The following PLCG2 variants were observed in gnomAD, a reference collection of about 807,000 sequenced individuals.
PLCG2 encodes the protein phospholipase C gamma 2.
In PLCG2, 69 loss-of-function variants were observed where a neutral mutation model predicts 175.6. The observed-to-expected ratio is 0.39, with a 90% CI of 0.32 to 0.48. The LOEUF (loss-of-function observed/expected upper bound fraction) is 0.48, where lower values mean the gene tolerates loss of function less well. Ranked by LOEUF, PLCG2 falls within the 20% of genes least tolerant of loss-of-function variation. The pLI, the probability that PLCG2 is intolerant of heterozygous loss-of-function variation, is 0.91. For synonymous variants in PLCG2, 827 were observed against 624.0 expected (o/e 1.33, Z -4.85); for missense variants, 1,798 against 1,650.9 (o/e 1.09, Z -1.54).
chr16:81,826,131 G>A (rs1413549431), intron 2 of PLCG2, among the ~76,000 whole-genome samples: 1 of 152,164 alleles, frequency 6.6e-6, no homozygotes, highest in Non-Finnish European at 1.5e-5. Flanking sequence ...TTTCCCCATT[G>A]TGGTAAGAGA....
At position 81,961,136 on chromosome 16, in the gene PLCG2, G is replaced by C; in HGVS notation, c.*3138G>C. ...TTCAACAAAGTGGGAGGAACAGCCT[G>C]TAGATTTCTGAGTCTCTTAGCATGT... On this transcript the variant is annotated 3_prime_UTR_variant, in exon 33 of 33. Coordinates refer to ENST00000564138, the MANE Select transcript of PLCG2 (RefSeq NM_002661.5). The C allele has an allele frequency of 4.3e-6, 1 of 231,000 alleles. No homozygotes were observed. The highest frequency in any genetic ancestry group is 8.6e-6 in the Non-Finnish European group (1 of 116,630). The allele number at this position is 231,000 out of a possible 1,614,324, so 14.3% of individuals were successfully genotyped here.
In PLCG2 at chr16:81,754,926, C is replaced by CA. The variant is rs556727189; in HGVS notation, c.-144-939dup. ...AAGCAGTGACTCCCACAAAGGTCATCAAAAAGGGAATGGTGCAAAGTGAGA... is the reference window on the plus strand; with the variant it reads ...AAGCAGTGACTCCCACAAAGGTCATCAAAAAAGGGAATGGTGCAAAGTGAGA... On this transcript the variant is annotated intron_variant, in intron 1 of 5. Transcript: ENST00000565054. Among the ~76,000 whole-genome samples the CA allele has an allele frequency of 9.9e-5, 15 of 152,190 alleles. No individual in the cohort carries two copies. The South Asian group carries it at 3.1e-3, about 32-fold the overall frequency.
At chr16:81,751,672 G>T (rs1483396245) in intron 1 of PLCG2, among the ~76,000 whole-genome samples, 1 of 152,126 alleles carries the variant, frequency 6.6e-6, no homozygotes, top group Non-Finnish European at 1.5e-5. Flanking sequence ...ATGTTAACTA[G>T]CTTTAATTAT....
chr16:81,908,425 C>A lies in PLCG2; in HGVS notation c.1567C>A (p.Pro523Thr), dbSNP rs574435526. The A allele has an allele frequency of 1.9e-6, 3 of 1,613,808 alleles. No homozygotes were observed. Among genetic ancestry groups the A allele is most frequent in the South Asian group, 1.1e-5 (1 of 91,006 alleles). Reference sequence around the variant, plus strand: ...TCTCTTTGCGGCCCAGGATATACCCCCTACAGAACTACATTTTGGGGAGAA... The same window carrying A: ...TCTCTTTGCGGCCCAGGATATACCCACTACAGAACTACATTTTGGGGAGAA... ...MEEEVPQDIP[P>T]TELHFGEKWF... The change falls in exon 17 of 33, where the codon CCT (proline) becomes ACT (threonine). Residue 523 changes from proline to threonine, a missense_variant. Coordinates refer to ENST00000564138, the MANE Select transcript of PLCG2 (RefSeq NM_002661.5).
chr16:81,906,657 C>G (rs1909382149), intron 15 of PLCG2, among the ~76,000 whole-genome samples: 2 of 152,230 alleles, frequency 1.3e-5, no homozygotes, highest in Non-Finnish European at 2.9e-5. Context: ...CTCCTGATCT[C>G]AAGTGGTCTG....
chr16:81,951,822 A>G (rs1445719517), intron 31 of PLCG2, among the ~76,000 whole-genome samples: 1 of 152,258 alleles, frequency 6.6e-6, no homozygotes, highest in African/African-American at 2.4e-5. Flanking sequence ...AGTAGATGCC[A>G]TAAATGTAAA....
At chr16:81,908,649 G>A in intron 17 of PLCG2, 58 bp downstream of exon 17, 2 of 1,480,024 alleles carry the variant, frequency 1.4e-6, no homozygotes, top group South Asian at 1.3e-5. Flanking sequence ...CGATGAGGCA[G>A]GGTGGCGAGT....
At chr16:81,753,278 A>G (rs1180097582) in intron 1 of PLCG2, among the ~76,000 whole-genome samples, 4 of 150,960 alleles carry the variant, frequency 2.6e-5, no homozygotes, top group African/African-American at 9.7e-5. Context: ...CCAATTTGGT[A>G]AAACATCCAC....
intron 2 of PLCG2, among the ~76,000 whole-genome samples, chr16:81,824,065 TG>T (rs1567483183): frequency 9.5e-6 from 1 of 105,432 alleles, no homozygotes; most frequent in Admixed American, 9.7e-5. Flanking sequence ...TGTCCTGTCC[TG>T]TCCTGTCCTG....
intron 2 of PLCG2, among the ~76,000 whole-genome samples, chr16:81,816,275 G>A: frequency 6.6e-6 from 1 of 152,146 alleles, no homozygotes; most frequent in Non-Finnish European, 1.5e-5. Flanking sequence ...GGAGGCAGAG[G>A]TGGGAGAATT....
chr16:81,771,303 C>A (rs1910275643), intron 2 of PLCG2, among the ~76,000 whole-genome samples: 1 of 152,166 alleles, frequency 6.6e-6, no homozygotes, highest in South Asian at 2.1e-4. Flanking sequence ...TCACAGCTCA[C>A]TGCAGCCTTA....
chr16:81,935,969 C>G, intron 26 of PLCG2, 200 bp from the exon 27 acceptor site: 1 of 985,084 alleles, frequency 1.0e-6, no homozygotes, highest in Non-Finnish European at 1.2e-6. Context: ...AACTAGGCCC[C>G]TTTTTAATAC....
At chr16:81,876,995 C>T (rs1033804643) in intron 7 of PLCG2, among the ~76,000 whole-genome samples, 5 of 152,146 alleles carry the variant, frequency 3.3e-5, no homozygotes, top group African/African-American at 1.2e-4. Flanking sequence ...GGAGAAAAGT[C>T]CTTGCCTCCC....
At chr16:81,849,112 C>T (rs141594055) in intron 2 of PLCG2, among the ~76,000 whole-genome samples, 84 of 152,152 alleles carry the variant, frequency 5.5e-4, no homozygotes, top group African/African-American at 2.0e-3. Context: ...TTGGAGGGGT[C>T]ATCACAGGGC....
At chr16:81,783,040 G>A in intron 1 of PLCG2, 2 of 443,586 alleles carry the variant, frequency 4.5e-6, no homozygotes, top group Non-Finnish European at 9.0e-6. Flanking sequence ...GGAAGTAACT[G>A]GGACCCTGGG....
At position 81,961,732 on chromosome 16, in the gene PLCG2, TAAG is replaced by T. The variant is rs1911783273; in HGVS notation, c.*3737_*3739del. ...ATAGTATCTATCAAATAACTTATAT[TAAG>T]AACCTCCTGGGCTAAATTTAAAAAG... On this transcript the variant is annotated 3_prime_UTR_variant, in exon 33 of 33. Coordinates refer to ENST00000564138, the MANE Select transcript of PLCG2 (RefSeq NM_002661.5). 4.8e-6 allele frequency: 1 copy of T among 206,198 alleles called. No individual in the cohort carries two copies. The highest frequency in any genetic ancestry group is 2.3e-5 in the African/African-American group (1 of 43,794). The allele number at this position is 206,198 out of a possible 1,614,324, so 12.8% of individuals were successfully genotyped here. A position where few individuals can be genotyped will look rare whatever the true frequency, so the allele number is the denominator to read the frequency against.
chr16:81,832,982 AG>A, intron 2 of PLCG2, among the ~76,000 whole-genome samples: 1 of 152,200 alleles, frequency 6.6e-6, no homozygotes, highest in East Asian at 1.9e-4. Context: ...ACAGTAACTG[AG>A]GGAAACAAGT....
intron 2 of PLCG2, among the ~76,000 whole-genome samples, chr16:81,849,421 A>G (rs1385539683): frequency 6.6e-6 from 1 of 152,188 alleles, no homozygotes; most frequent in African/African-American, 2.4e-5. Flanking sequence ...TTAGTTATGT[A>G]TAATTTTTCT....
At chr16:81,932,442 C>A (rs7499440) in intron 25 of PLCG2, among the ~76,000 whole-genome samples, 121,475 of 152,146 alleles carry the variant, frequency 0.8, 48,525 homozygotes, top group Admixed American at 0.85. Context: ...TTGTGGCTGC[C>A]GAACTGGAAA....
Sources: allele counts gnomAD v4.1 joint callset (sites outside exome capture counted in the v4.1 genomes callset), GRCh38; gene constraint gnomAD v4.1.1; transcripts MANE v1.5; gene names NCBI Gene and HGNC (gene_info 2026-07-23, HGNC 2026-07-21).